Variants in DTWD2 observed in about 807,000 individuals in gnomAD.
DTWD2 encodes the protein tRNA-uridine aminocarboxypropyltransferase 2.
Under a neutral mutation model 31.8 loss-of-function variants are expected in DTWD2, and 39 were observed. The observed-to-expected ratio is 1.22, with a 90% CI of 0.95 to 1.60. DTWD2 has a LOEUF of 1.60. DTWD2 is among the 40% of genes most tolerant of loss of function. DTWD2 has a pLI of 0.00. For synonymous variants in DTWD2, 180 were observed against 142.8 expected (o/e 1.26, Z -1.86); for missense variants, 515 against 381.5 (o/e 1.35, Z -2.92).
chr5:118,918,991 C>A (rs191888925), intron 4 of DTWD2, among the ~76,000 whole-genome samples: 13 of 152,330 alleles, frequency 8.5e-5, no homozygotes, highest in African/African-American at 2.9e-4. Context: ...CAAAGTCTCA[C>A]TCACAGGTGG....
At chr5:118,957,229 T>G (rs866048277) in intron 1 of DTWD2, among the ~76,000 whole-genome samples, 34 of 152,114 alleles carry the variant, frequency 2.2e-4, no homozygotes, top group African/African-American at 8.2e-4. Flanking sequence ...TGTTGTGATT[T>G]TTTTTTTTCT....
intron 4 of DTWD2, among the ~76,000 whole-genome samples, chr5:118,913,020 G>A (rs564132194): frequency 1.3e-5 from 2 of 152,264 alleles, no homozygotes; most frequent in South Asian, 2.1e-4. Context: ...GGCTCATTAC[G>A]AAGTGGAAGA....
At chr5:118,959,646 T>C (rs548996540) in intron 1 of DTWD2, among the ~76,000 whole-genome samples, 9 of 152,252 alleles carry the variant, frequency 5.9e-5, no homozygotes, top group East Asian at 3.9e-4. Flanking sequence ...CAAATAACAA[T>C]TGCAATTCTA....
intron 4 of DTWD2, among the ~76,000 whole-genome samples, chr5:118,909,104 T>G (rs937529899): frequency 6.6e-6 from 1 of 152,184 alleles, no homozygotes; most frequent in Non-Finnish European, 1.5e-5. Flanking sequence ...TCCATCCTTT[T>G]AGGGTTCTGC....
chr5:118,972,075 A>T (rs995531704), intron 1 of DTWD2, among the ~76,000 whole-genome samples: 3 of 152,222 alleles, frequency 2.0e-5, no homozygotes, highest in Admixed American at 2.0e-4. Context: ...GAGAAACAAG[A>T]CCAAACAAAC....
chr5:118,924,151 C>G (rs553043499), intron 4 of DTWD2, among the ~76,000 whole-genome samples: 1 of 152,278 alleles, frequency 6.6e-6, no homozygotes, highest in South Asian at 2.1e-4. Flanking sequence ...CTCCTCTAAC[C>G]GGTCCAGGTC....
intron 3 of DTWD2, among the ~76,000 whole-genome samples, chr5:118,929,383 TCA>T (rs966205816): frequency 1.8e-4 from 27 of 152,178 alleles, no homozygotes; most frequent in Non-Finnish European, 2.8e-4. Flanking sequence ...CTTCAACCAT[TCA>T]CAGAGTGCTA....
intron 4 of DTWD2, among the ~76,000 whole-genome samples, chr5:118,853,696 T>C (rs566321712): frequency 7.0e-4 from 106 of 152,198 alleles, no homozygotes; most frequent in African/African-American, 2.5e-3. Flanking sequence ...AGCTAAACAA[T>C]GGGTACACAC....
chr5:118,879,479 G>A (rs537253302), intron 4 of DTWD2, among the ~76,000 whole-genome samples: 44 of 151,894 alleles, frequency 2.9e-4, no homozygotes, highest in East Asian at 1.6e-3. Context: ...GCATGGAGGC[G>A]CACACCTGTA....
chr5:118,926,839 G>C (rs558331111), intron 4 of DTWD2, among the ~76,000 whole-genome samples: 1 of 152,120 alleles, frequency 6.6e-6, no homozygotes, highest in Non-Finnish European at 1.5e-5. Context: ...CAAGTAGCTG[G>C]AGTTATAGGT....
chr5:118,893,402 T>C (rs1753016965), intron 4 of DTWD2, among the ~76,000 whole-genome samples: 1 of 148,960 alleles, frequency 6.7e-6, no homozygotes. Context: ...ACTATAAATG[T>C]ATACGTGTGT....
chr5:118,896,882 G>A lies in DTWD2; in HGVS notation c.597+31655C>T, dbSNP rs138450715. Among the ~76,000 whole-genome samples the A allele has an allele frequency of 6.3e-3, 964 of 152,304 alleles. 11 individuals are homozygous for A. Among genetic ancestry groups the A allele is most frequent in the African/African-American group, 0.022 (933 of 41,572 alleles). ...TCACCCATCCCTGCCAAAGTGCCAG[G>A]TATGTGCCTAAAGCTGTCTTGGATT... On this transcript the variant is annotated intron_variant, in intron 4 of 5. Transcript: ENST00000510708.
At chr5:118,961,801 T>C (rs1163361997) in intron 1 of DTWD2, among the ~76,000 whole-genome samples, 2 of 152,190 alleles carry the variant, frequency 1.3e-5, no homozygotes, top group Non-Finnish European at 2.9e-5. Flanking sequence ...TTTACATCAA[T>C]GTCCATTTTC....
intron 5 of DTWD2, among the ~76,000 whole-genome samples, chr5:118,842,628 C>A (rs1436717281): frequency 6.6e-6 from 1 of 152,124 alleles, no homozygotes; most frequent in African/African-American, 2.4e-5. Flanking sequence ...GGCTCTCTTA[C>A]ATGCAGGCAA....
chr5:118,902,239 A>G (rs1307118307), intron 4 of DTWD2, among the ~76,000 whole-genome samples: 1 of 152,192 alleles, frequency 6.6e-6, no homozygotes, highest in Non-Finnish European at 1.5e-5. Flanking sequence ...TTCAAAGCCA[A>G]AAAGAAAAAA....
chr5:118,881,415 AT>A (rs1025103088), intron 4 of DTWD2, among the ~76,000 whole-genome samples: 1 of 152,244 alleles, frequency 6.6e-6, no homozygotes, highest in Non-Finnish European at 1.5e-5. Flanking sequence ...TTATATGAGT[AT>A]TAATAATTTG....
intron 1 of DTWD2, chr5:118,974,104 G>A (rs1755069104): frequency 1.9e-6 from 3 of 1,593,078 alleles, no homozygotes; most frequent in Non-Finnish European, 1.7e-6. Flanking sequence ...CCAAGAAGCA[G>A]AAGACCGACG....
intron 1 of DTWD2, among the ~76,000 whole-genome samples, chr5:118,968,267 T>C (rs1754898901): frequency 1.3e-5 from 2 of 150,474 alleles, no homozygotes; most frequent in South Asian, 4.2e-4. Flanking sequence ...TGACAATTAA[T>C]GCAATGTGGG....
At chr5:118,954,513 A>G (rs1206408761) in intron 1 of DTWD2, among the ~76,000 whole-genome samples, 4 of 151,548 alleles carry the variant, frequency 2.6e-5, no homozygotes, top group Non-Finnish European at 5.9e-5. Context: ...TGAATACATA[A>G]AGGATTTTTT....
Sources: allele counts gnomAD v4.1 joint callset (sites outside exome capture counted in the v4.1 genomes callset), GRCh38; gene constraint gnomAD v4.1.1; transcripts MANE v1.5; gene names NCBI Gene and HGNC (gene_info 2026-07-23, HGNC 2026-07-21).